Variants in NFIA observed in about 807,000 individuals in gnomAD.
NFIA encodes the protein nuclear factor 1 A-type.
NFIA carries 8 observed loss-of-function variants against 62.8 expected under a neutral mutation model. That is an observed-to-expected ratio of 0.13 (90% CI 0.07 to 0.23). The LOEUF is 0.23. NFIA is among the 10% of genes least tolerant of loss of function. NFIA has a pLI of 1.00. For missense variants in NFIA, 410 were observed against 642.1 expected (o/e 0.64, Z 3.91); for synonymous variants, 235 against 238.1 (o/e 0.99, Z 0.12).
chr1:61,217,207 C>T (rs1653685978), intron 2 of NFIA, among the ~76,000 whole-genome samples: 1 of 150,964 alleles, frequency 6.6e-6, no homozygotes, highest in Admixed American at 6.6e-5. Flanking sequence ...CCGGCACATG[C>T]CACCACACCT....
chr1:61,455,251 A>C (rs1668246222), intron 10 of NFIA, 52 bp from the exon 11 acceptor site: 5 of 1,604,428 alleles, frequency 3.1e-6, no homozygotes, highest in Non-Finnish European at 4.3e-6. Flanking sequence ...CTTCTAAAAC[A>C]CACGTTTTTA....
chr1:61,143,217 C>T (rs955903781), intron 2 of NFIA, among the ~76,000 whole-genome samples: 2 of 152,124 alleles, frequency 1.3e-5, no homozygotes, highest in African/African-American at 4.8e-5. Flanking sequence ...CAGTCAGTGG[C>T]ATGCTCAGTA....
chr1:61,407,335 G>C (rs1444170651), intron 9 of NFIA, among the ~76,000 whole-genome samples: 1 of 152,174 alleles, frequency 6.6e-6, no homozygotes, highest in African/African-American at 2.4e-5. Context: ...AGGATGGAAG[G>C]AGGAGAGAAG....
At chr1:61,347,186 T>TTA (rs1466149589) in intron 4 of NFIA, among the ~76,000 whole-genome samples, 1 of 143,968 alleles carries the variant, frequency 6.9e-6, no homozygotes, top group Non-Finnish European at 1.5e-5. Flanking sequence ...TTTTTTTTTT[T>TTA]TTTTTGAGAT....
chr1:61,077,728 C>T (rs1307584975), upstream of NFIA: 4 of 905,410 alleles, frequency 4.4e-6, no homozygotes, highest in Non-Finnish European at 6.2e-6. Context: ...ACTAAAATTT[C>T]TCTAGCTCGC....
At chr1:61,391,387 A>G (rs1489817067) in intron 7 of NFIA, among the ~76,000 whole-genome samples, 1 of 151,538 alleles carries the variant, frequency 6.6e-6, no homozygotes, top group Non-Finnish European at 1.5e-5. Flanking sequence ...AGGATTTAAG[A>G]CATACAAAAT....
intron 4 of NFIA, among the ~76,000 whole-genome samples, chr1:61,346,169 A>G (rs1662218045): frequency 1.3e-5 from 2 of 152,240 alleles, no homozygotes; most frequent in African/African-American, 4.8e-5. Context: ...AAAGCATGAT[A>G]AAGCCCAGAG....
chr1:61,336,236 C>G (rs1661599221), intron 4 of NFIA, among the ~76,000 whole-genome samples: 1 of 152,030 alleles, frequency 6.6e-6, no homozygotes, highest in South Asian at 2.1e-4. Context: ...ACACTTTTAG[C>G]TTATTAATTT....
intron 2 of NFIA, among the ~76,000 whole-genome samples, chr1:61,156,261 A>T (rs1648813555): frequency 6.6e-6 from 1 of 152,252 alleles, no homozygotes; most frequent in Non-Finnish European, 1.5e-5. Flanking sequence ...TTTCCAAGGT[A>T]AAATAAGTTT....
At chr1:61,209,069 A>C (rs560182015) in intron 2 of NFIA, among the ~76,000 whole-genome samples, 1 of 152,144 alleles carries the variant, frequency 6.6e-6, no homozygotes, top group South Asian at 2.1e-4. Context: ...CAAAGGACCC[A>C]AAAGAACTGC....
intron 2 of NFIA, among the ~76,000 whole-genome samples, chr1:61,179,876 A>T (rs1650635910): frequency 6.6e-6 from 1 of 152,120 alleles, no homozygotes; most frequent in Admixed American, 6.5e-5. Flanking sequence ...CAAGCACTAG[A>T]CTAAAGGTCC....
intron 7 of NFIA, among the ~76,000 whole-genome samples, chr1:61,400,172 G>C (rs150353095): frequency 8.5e-5 from 13 of 152,322 alleles, no homozygotes; most frequent in African/African-American, 3.1e-4. Flanking sequence ...AAATAGCTGA[G>C]TATTACACCC....
chr1:61,415,788 A>G (rs1420814452), intron 9 of NFIA, among the ~76,000 whole-genome samples: 2 of 152,168 alleles, frequency 1.3e-5, no homozygotes, highest in Non-Finnish European at 2.9e-5. Context: ...ACACAAAAAC[A>G]TGTTTACATT....
At chr1:61,357,622 C>G (rs942394955) in intron 5 of NFIA, among the ~76,000 whole-genome samples, 9 of 152,092 alleles carry the variant, frequency 5.9e-5, no homozygotes, top group African/African-American at 2.2e-4. Context: ...ATTGTGTGAC[C>G]CACTGTACCC....
chr1:61,328,635 TCTCTAA>T (rs1056646860), intron 3 of NFIA, among the ~76,000 whole-genome samples: 13 of 151,762 alleles, frequency 8.6e-5, no homozygotes, highest in African/African-American at 3.2e-4. Flanking sequence ...GTCAGGCTGG[TCTCTAA>T]CTCCCGACCT....
At chr1:61,112,626 C>T (rs1261223849) in intron 2 of NFIA, among the ~76,000 whole-genome samples, 2 of 152,122 alleles carry the variant, frequency 1.3e-5, no homozygotes, top group Non-Finnish European at 2.9e-5. Flanking sequence ...TGTGATAGCT[C>T]ACATCTGTAA....
chr1:61,124,172 A>G (rs1473234440), intron 2 of NFIA, among the ~76,000 whole-genome samples: 3 of 152,180 alleles, frequency 2.0e-5, no homozygotes, highest in African/African-American at 7.2e-5. Flanking sequence ...CTAGCTGTGT[A>G]TGATCATTGG....
At chr1:61,116,341 T>G (rs1441224735) in intron 2 of NFIA, among the ~76,000 whole-genome samples, 1 of 152,186 alleles carries the variant, frequency 6.6e-6, no homozygotes, top group East Asian at 1.9e-4. Flanking sequence ...AGTGTAAGGA[T>G]TTTTAGTGCA....
At chr1:61,144,409 C>T (rs368900145) in intron 2 of NFIA, among the ~76,000 whole-genome samples, 5 of 152,134 alleles carry the variant, frequency 3.3e-5, no homozygotes, top group African/African-American at 7.2e-5. Context: ...CCCAGACTAC[C>T]GTGTGTGTGT....
Sources: gnomAD v4.1 joint callset for allele counts (sites outside exome capture counted in the v4.1 genomes callset) on GRCh38, gnomAD v4.1.1 for gene constraint, MANE v1.5 for transcripts, NCBI Gene and HGNC (gene_info 2026-07-23, HGNC 2026-07-21) for gene names.